The following RALYL variants were observed in gnomAD, a reference collection of about 807,000 sequenced individuals.
The protein encoded by RALYL is RALY RNA binding protein like.
Under a neutral mutation model 35.1 loss-of-function variants are expected in RALYL, and 29 were observed. That is an observed-to-expected ratio of 0.83 (90% CI 0.61 to 1.13). RALYL has a LOEUF of 1.13. Among genes scored for constraint, RALYL ranks in the 50% most tolerant of loss-of-function variants. The pLI is 0.00. For synonymous variants in RALYL, 120 were observed against 127.6 expected (o/e 0.94, Z 0.40); for missense variants, 359 against 360.4 (o/e 1.00, Z 0.03).
At chr8:84,778,941 G>T (rs56199131) in intron 3 of RALYL, among the ~76,000 whole-genome samples, 5,453 of 152,072 alleles carry the variant, frequency 0.036, 158 homozygotes, top group Non-Finnish European at 0.058. Flanking sequence ...GGAGCAAAAA[G>T]GAATTATTTC....
intron 8 of RALYL, among the ~76,000 whole-genome samples, chr8:84,890,593 A>G (rs1384748052): frequency 2.0e-5 from 3 of 152,074 alleles, no homozygotes; most frequent in African/African-American, 7.2e-5. Flanking sequence ...ATTCTGAGAG[A>G]TTCTGATTCA....
At chr8:84,875,656 A>T (rs1841002116) in intron 7 of RALYL, among the ~76,000 whole-genome samples, 1 of 152,182 alleles carries the variant, frequency 6.6e-6, no homozygotes, top group African/African-American at 2.4e-5. Context: ...GAAATAAAAG[A>T]TAAATGTTTT....
intron 4 of RALYL, among the ~76,000 whole-genome samples, chr8:84,835,118 T>A (rs1831688227): frequency 6.6e-6 from 1 of 152,142 alleles, no homozygotes; most frequent in Non-Finnish European, 1.5e-5. Flanking sequence ...GAAATTCTGA[T>A]AAATTAGATT....
rs528871890 is a variant in RALYL, at chr8:84,345,650, C to T, written c.-24+161226C>T. ...CCCTCCAGCATCTCCCTCTCATTTT[C>T]ATTTCTCCCTGTCTACCTTCCTTCA... On this transcript the variant is annotated intron_variant, in intron 1 of 8. Transcript: ENST00000521268. Among the ~76,000 whole-genome samples the T allele has an allele frequency of 9.9e-5, 15 of 152,172 alleles. No homozygotes were observed. In the South Asian group the frequency reaches 1.2e-3, roughly 13 times the overall value.
chr8:84,488,584 T>G (rs2133995996), intron 1 of RALYL, among the ~76,000 whole-genome samples: 1 of 152,154 alleles, frequency 6.6e-6, no homozygotes, highest in South Asian at 2.1e-4. Flanking sequence ...TAGTTCCTCC[T>G]GTACAATCAT....
chr8:84,423,331 G>T (rs1413528809), intron 1 of RALYL, among the ~76,000 whole-genome samples: 2 of 149,484 alleles, frequency 1.3e-5, no homozygotes, highest in Admixed American at 1.3e-4. Context: ...TTTGATCTTT[G>T]TTGGTTTAAA....
intron 2 of RALYL, among the ~76,000 whole-genome samples, chr8:84,621,258 C>T (rs1017033142): frequency 3.9e-5 from 6 of 152,132 alleles, no homozygotes; most frequent in Non-Finnish European, 8.8e-5. Context: ...TGGGCGTGGG[C>T]GTAGGACTCT....
chr8:84,816,446 G>A (rs1827308115), intron 4 of RALYL, among the ~76,000 whole-genome samples: 1 of 152,048 alleles, frequency 6.6e-6, no homozygotes, highest in Admixed American at 6.6e-5. Context: ...TTCATTTGAT[G>A]AATTTTTTCA....
At chr8:84,891,676 AG>A (rs1170159926) in intron 8 of RALYL, among the ~76,000 whole-genome samples, 3 of 152,162 alleles carry the variant, frequency 2.0e-5, no homozygotes, top group African/African-American at 7.2e-5. Context: ...ATAATAAATG[AG>A]GAAGGGTTTA....
chr8:84,386,954 G>A (rs1014355064), intron 1 of RALYL, among the ~76,000 whole-genome samples: 12 of 151,696 alleles, frequency 7.9e-5, no homozygotes, highest in Non-Finnish European at 1.8e-4. Context: ...GGCTTCAGAT[G>A]GTGTCTTGTG....
intron 8 of RALYL, among the ~76,000 whole-genome samples, chr8:84,898,412 CAG>C (rs749954033): frequency 1.8e-4 from 27 of 152,250 alleles, no homozygotes; most frequent in Non-Finnish European, 3.2e-4. Context: ...AAAATTAAAT[CAG>C]AGTTTCAGAA....
chr8:84,295,119 G>C (rs982768839), intron 1 of RALYL, among the ~76,000 whole-genome samples: 2 of 152,110 alleles, frequency 1.3e-5, no homozygotes, highest in Non-Finnish European at 1.5e-5. Flanking sequence ...ATCTCACAAA[G>C]ATATGACAGT....
Position 84,187,235 on chromosome 8 carries a change from T to C in RALYL, c.-24+2811T>C, listed in dbSNP as rs768194744. On this transcript the variant is annotated intron_variant, in intron 1 of 8. Transcript: ENST00000521268. ...AAATTTTCAAGAACTTTTTATGGGA[T>C]AATAAAATGTGGGTATTGTTTAAAA... Among the ~76,000 whole-genome samples, 49 of 152,196 alleles carry C rather than the reference T, an allele frequency of 3.2e-4. 1 individual carries two copies. The highest frequency in any genetic ancestry group is 4.9e-4 in the Non-Finnish European group (33 of 67,922).
chr8:84,281,388 A>T (rs748464967), intron 1 of RALYL, among the ~76,000 whole-genome samples: 1 of 152,266 alleles, frequency 6.6e-6, no homozygotes, highest in African/African-American at 2.4e-5. Flanking sequence ...CAACACTAAG[A>T]TGCTTTGTTC....
intron 1 of RALYL, among the ~76,000 whole-genome samples, chr8:84,239,591 A>G (rs1472397145): frequency 6.6e-6 from 1 of 152,120 alleles, no homozygotes; most frequent in Non-Finnish European, 1.5e-5. Flanking sequence ...CAGGGTTTAC[A>G]TTAAGACAGC....
intron 1 of RALYL, among the ~76,000 whole-genome samples, chr8:84,200,346 G>A (rs902711282): frequency 2.0e-5 from 3 of 152,024 alleles, no homozygotes; most frequent in Non-Finnish European, 2.9e-5. Context: ...CAAAGCAAAC[G>A]TCATTTCAGG....
intron 3 of RALYL, among the ~76,000 whole-genome samples, chr8:84,801,339 C>T (rs1234323262): frequency 2.6e-5 from 4 of 152,166 alleles, no homozygotes; most frequent in Non-Finnish European, 5.9e-5. Flanking sequence ...CATGAACCAT[C>T]GGCAACATTC....
intron 1 of RALYL, among the ~76,000 whole-genome samples, chr8:84,437,873 A>G (rs2047910329): frequency 1.3e-5 from 2 of 152,118 alleles, no homozygotes; most frequent in Admixed American, 6.5e-5. Context: ...AAGTTTCCAG[A>G]GGCCTCCCTA....
At chr8:84,383,399 C>T (rs537757999) in intron 1 of RALYL, among the ~76,000 whole-genome samples, 8 of 151,572 alleles carry the variant, frequency 5.3e-5, no homozygotes, top group African/African-American at 1.7e-4. Flanking sequence ...CTTTCCTTTC[C>T]ACATAAATGG....
Sources: allele counts gnomAD v4.1 joint callset (sites outside exome capture counted in the v4.1 genomes callset), GRCh38; gene constraint gnomAD v4.1.1; transcripts MANE v1.5; gene names NCBI Gene and HGNC (gene_info 2026-07-23, HGNC 2026-07-21).